MYMK: variants seen among roughly 807,000 people sequenced by gnomAD.
MYMK encodes the protein protein myomaker.
In MYMK, 16 loss-of-function variants were observed where a neutral mutation model predicts 22.4. The ratio of observed to expected loss-of-function variants is 0.72; its 90% CI spans 0.48 to 1.09. The LOEUF (loss-of-function observed/expected upper bound fraction) is 1.09. Among genes scored for constraint, MYMK ranks in the 50% least tolerant of loss-of-function variants. The pLI is 0.00. For missense variants in MYMK, 250 were observed against 295.6 expected, an observed-to-expected ratio of 0.85 and a Z score of 1.13; for synonymous variants, 125 against 127.0, an observed-to-expected ratio of 0.98 and a Z score of 0.11.
intron 3 of MYMK, among the ~76,000 whole-genome samples, chr9:133,516,376 G>A (rs1212946089): frequency 6.6e-6 from 1 of 152,226 alleles, no homozygotes; most frequent in Non-Finnish European, 1.5e-5. Context: ...GGAGGAAGGA[G>A]GGAGGGTTGG....
At chr9:133,522,629 G>A (rs1006858304) in intron 1 of MYMK, among the ~76,000 whole-genome samples, 1 of 152,232 alleles carries the variant, frequency 6.6e-6, no homozygotes, top group Non-Finnish European at 1.5e-5. Context: ...GGCCCAGGCA[G>A]GGAGGTGTGG....
intron 3 of MYMK, 60 bp downstream of exon 3, chr9:133,518,810 TCAGA>T: frequency 6.5e-7 from 1 of 1,544,978 alleles, no homozygotes; most frequent in Non-Finnish European, 8.8e-7. Flanking sequence ...GCAGGAGGAG[TCAGA>T]CAGGGGAGAG....
intron 1 of MYMK, among the ~76,000 whole-genome samples, chr9:133,521,201 C>T (rs780299194): frequency 3.3e-5 from 5 of 152,184 alleles, no homozygotes; most frequent in South Asian, 2.1e-4. Context: ...TACTTTTCTA[C>T]GGAAAACAAC....
chr9:133,517,652 GCA>G (rs1298172000), intron 3 of MYMK, among the ~76,000 whole-genome samples: 1 of 136,556 alleles, frequency 7.3e-6, no homozygotes, highest in East Asian at 2.1e-4. Flanking sequence ...GGTGACAAGA[GCA>G]AAACTCCGTC....
chr9:133,521,186 T>C (rs1844699068), intron 1 of MYMK, among the ~76,000 whole-genome samples: 1 of 152,218 alleles, frequency 6.6e-6, no homozygotes, highest in Non-Finnish European at 1.5e-5. Context: ...TTCAAAGCAG[T>C]CAACTACTTT....
intron 1 of MYMK, among the ~76,000 whole-genome samples, chr9:133,521,117 G>A (rs144595622): frequency 6.4e-4 from 98 of 152,174 alleles, no homozygotes; most frequent in African/African-American, 2.2e-3. Context: ...TCTCGTCGTC[G>A]CCTCCCCAAC....
intron 3 of MYMK, among the ~76,000 whole-genome samples, chr9:133,516,344 T>G (rs1359449838): frequency 1.7e-4 from 26 of 152,082 alleles, no homozygotes. Flanking sequence ...TGGGAGGGGC[T>G]GGGGAACGAC....
chr9:133,523,400 C>T (rs1359467201), intron 1 of MYMK, among the ~76,000 whole-genome samples: 1 of 151,970 alleles, frequency 6.6e-6, no homozygotes, highest in African/African-American at 2.4e-5. Context: ...AAGAAGGAGG[C>T]TAGTGGGACG....
chr9:133,523,015 T>C (rs908313679), intron 1 of MYMK, among the ~76,000 whole-genome samples: 15 of 152,216 alleles, frequency 9.9e-5, no homozygotes, highest in African/African-American at 3.6e-4. Context: ...TCCTCTGCCC[T>C]GGGTACTGGC....
intron 1 of MYMK, among the ~76,000 whole-genome samples, chr9:133,522,461 G>A (rs955412958): frequency 6.6e-6 from 1 of 152,262 alleles, no homozygotes; most frequent in African/African-American, 2.4e-5. Flanking sequence ...TGATTGGAAG[G>A]GAAGGGACGC....
Position 133,514,621 on chromosome 9 carries a change from G to T in MYMK, c.*15C>A. The T allele has an allele frequency of 4.3e-6, 7 of 1,610,200 alleles. No individual in the cohort carries two copies. The highest frequency in any genetic ancestry group is 2.2e-5 in the South Asian group (2 of 90,668). ...CTGGGGAGGGCAGGGGCTCAGAGCC[G>T]GGCTGGGCGCAGCATCAGACACAAG... On this transcript the variant is annotated 3_prime_UTR_variant, in exon 5 of 5. Transcript: ENST00000339996.
chr9:133,524,064 A>G (rs1027562679), intron 1 of MYMK, among the ~76,000 whole-genome samples: 1 of 151,740 alleles, frequency 6.6e-6, no homozygotes, highest in African/African-American at 2.4e-5. Context: ...AATGACAGGT[A>G]CCAGGAAACA....
intron 3 of MYMK, among the ~76,000 whole-genome samples, chr9:133,517,099 C>A (rs1844640858): frequency 6.6e-6 from 1 of 152,170 alleles, no homozygotes; most frequent in African/African-American, 2.4e-5. Flanking sequence ...GCAGTGAATT[C>A]TCTTCTGGGC....
chr9:133,519,347 G>A (rs911331294), intron 2 of MYMK, among the ~76,000 whole-genome samples: 28 of 152,126 alleles, frequency 1.8e-4, no homozygotes, highest in African/African-American at 4.1e-4. Context: ...CAGGAGGATC[G>A]TCTGAGACCA....
At position 133,518,983 on chromosome 9, in the gene MYMK, A is replaced by G. The variant is rs1456136928; in HGVS notation, c.290T>C (p.Val97Ala). 1.2e-6 allele frequency: 2 copies of G among 1,613,886 alleles called. No individual in the cohort carries two copies. The highest frequency in any genetic ancestry group is 1.7e-5 in the Admixed American group (1 of 60,004). Residue 97 changes from valine to alanine, a missense_variant, in exon 3 of 5, where the codon GTG (valine) becomes GCG (alanine). By Grantham distance (64) the Val-to-Ala change is moderately conservative. Coordinates refer to ENST00000339996, the MANE Select transcript of MYMK (RefSeq NM_001080483.3). Reference protein sequence around the residue: ...DFDEPKRSTFVMFGVLTIAVR... With the variant: ...DFDEPKRSTFAMFGVLTIAVR... ...AGCAATGGTCAGGACGCCGAACATC[A>G]CAAATGTTGACCTCTTGGGTTCGTC...
intron 2 of MYMK, 111 bp downstream of exon 2, chr9:133,520,063 G>T: frequency 1.3e-6 from 1 of 751,230 alleles, no homozygotes; most frequent in Non-Finnish European, 2.3e-6. Flanking sequence ...CCTGGGGCTG[G>T]GAGTGAGTGG....
rs1378549400 is a variant in MYMK at position 133,514,665 on chromosome 9, A to G, written c.637T>C (p.Cys213Arg). Reference sequence around the variant, plus strand: ...ACACAAGCACAGCACAGGGTGGAGCAGTCCAGCTTGGCCGGGGTCCCCGGG... The same window carrying G: ...ACACAAGCACAGCACAGGGTGGAGCGGTCCAGCTTGGCCGGGGTCCCCGGG... The part of the protein sequence containing the change: ...GSPGTPAKLD[C>R]STLCCACV The change falls in exon 5 of 5, where the codon TGC becomes CGC. Residue 213 changes from cysteine (C) to arginine (R), a missense_variant. Transcript: ENST00000339996. The G allele has an allele frequency of 6.2e-7, 1 of 1,613,928 alleles. No homozygotes were observed.
At chr9:133,521,919 T>C (rs1367210180) in intron 1 of MYMK, among the ~76,000 whole-genome samples, 2 of 152,244 alleles carry the variant, frequency 1.3e-5, no homozygotes, top group African/African-American at 4.8e-5. Context: ...GCCCTTGCCC[T>C]GCCAGGAGCA....
chr9:133,517,157 G>T (rs1436850580), intron 3 of MYMK, among the ~76,000 whole-genome samples: 2 of 152,186 alleles, frequency 1.3e-5, no homozygotes, highest in Non-Finnish European at 2.9e-5. Context: ...AGCGGGAGGA[G>T]CAACCTTCAG....
Sources: gnomAD v4.1 joint callset for allele counts (sites outside exome capture counted in the v4.1 genomes callset) on GRCh38, gnomAD v4.1.1 for gene constraint, MANE v1.5 for transcripts, NCBI Gene and HGNC (gene_info 2026-07-23, HGNC 2026-07-21) for gene names.